Variants in GET4 observed in about 807,000 individuals in gnomAD.
GET4 encodes Golgi to ER traffic protein 4 homolog.
In GET4, 20 loss-of-function variants were observed where a neutral mutation model predicts 40.0. That is an observed-to-expected ratio of 0.50 (90% CI 0.35 to 0.73). The LOEUF (loss-of-function observed/expected upper bound fraction) is 0.73, where lower values mean the gene tolerates loss of function less well. GET4 is among the 30% of genes least tolerant of loss of function. GET4 has a pLI of 0.01. For synonymous variants in GET4, 280 were observed against 194.6 expected, an observed-to-expected ratio of 1.44 and a Z score of -3.65; for missense variants, 557 against 454.0, an observed-to-expected ratio of 1.23 and a Z score of -2.06.
chr7:883,505 AGATT>A, intron 1 of GET4: 2 of 985,242 alleles, frequency 2.0e-6, no homozygotes, highest in Non-Finnish European at 2.4e-6. Context: ...AAAATCAGCT[AGATT>A]GTTTGCCCAG....
chr7:895,653 G>A lies in GET4; in HGVS notation c.*231G>A, dbSNP rs575086578. 48 of 408,590 alleles carry A rather than the reference G, an allele frequency of 1.2e-4. No individual in the cohort carries two copies. The highest frequency in any genetic ancestry group is 6.6e-4 in the African/African-American group (32 of 48,236). 25.3% of individuals were successfully genotyped at this position (408,590 alleles called of 1,614,324 possible). On this transcript the variant is annotated 3_prime_UTR_variant, in exon 9 of 9. Coordinates refer to ENST00000265857, the MANE Select transcript of GET4 (RefSeq NM_015949.3). ...GCCCCTGCTGGCCGCCGCGTCCCCC[G>A]AGATTGACCCACAATAAAGCACAGG... is the stretch of plus-strand genomic sequence containing the variant.
intron 6 of GET4, among the ~76,000 whole-genome samples, chr7:893,450 T>C (rs1476422221): frequency 1.1e-4 from 15 of 131,234 alleles, no homozygotes; most frequent in African/African-American, 3.8e-4. Flanking sequence ...TGGTTGCAGG[T>C]GAGTGTTGGG....
intron 1 of GET4, chr7:878,257 A>G (rs530036201): frequency 1.9e-5 from 9 of 470,836 alleles, no homozygotes; most frequent in Admixed American, 1.6e-4. Context: ...GGCTTGGTTG[A>G]TTGTCTTCAG....
chr7:878,121 C>G (rs957412940), intron 1 of GET4: 14 of 369,458 alleles, frequency 3.8e-5, no homozygotes, highest in Non-Finnish European at 7.3e-5. Flanking sequence ...CGCCTCTGGA[C>G]CTAGGCTCGG....
At chr7:886,535 G>C in intron 2 of GET4, 34 bp from the exon 3 acceptor site, 1 of 1,534,618 alleles carries the variant, frequency 6.5e-7, no homozygotes, top group Non-Finnish European at 9.0e-7. Context: ...TCAGGGCTTT[G>C]TTCTTGATTC....
At chr7:877,196 G>A (rs1279493737) in intron 1 of GET4, among the ~76,000 whole-genome samples, 46 of 65,764 alleles carry the variant, frequency 7.0e-4, no homozygotes, top group African/African-American at 2.9e-3. Context: ...GCCCCACCTT[G>A]GTCTCGCTCT....
At chr7:894,638 A>C (rs1293111363) in intron 8 of GET4, among the ~76,000 whole-genome samples, 2 of 151,252 alleles carry the variant, frequency 1.3e-5, no homozygotes, top group African/African-American at 2.4e-5. Context: ...GACTCTTCTG[A>C]CTCTCCAGTC....
At position 891,046 on chromosome 7, in the gene GET4, C is replaced by T. The variant is rs754149897; in HGVS notation, c.585C>T (p.Phe195=). The change falls in exon 5 of 9, where the codon TTC becomes TTT. Residue 195 remains phenylalanine (F), a synonymous_variant. Transcript: ENST00000265857. The part of the protein sequence containing the change: ...SRGFRSEVDM[F]VAQAVLQFLC... ...GCTTCCGCAGCGAGGTGGACATGTTCGTGGCCCAGGCCGTGCTACAGTAGG... is the reference window on the plus strand; with the variant it reads ...GCTTCCGCAGCGAGGTGGACATGTTTGTGGCCCAGGCCGTGCTACAGTAGG... 15 of 1,606,852 alleles carry T rather than the reference C, an allele frequency of 9.3e-6. No homozygotes were observed. Among genetic ancestry groups the T allele is most frequent in the Admixed American group, 5.0e-5 (3 of 59,468 alleles).
Position 890,952 on chromosome 7 carries a change from A to T in GET4, c.491A>T (p.Tyr164Phe), listed in dbSNP as rs1297145482. The change falls in exon 5 of 9, where the codon TAT (tyrosine) becomes TTT (phenylalanine). Residue 164 changes from tyrosine to phenylalanine, a missense_variant. By Grantham distance (22) the Tyr-to-Phe change is conservative. Transcript: ENST00000265857. ...WKEQNYCESR[Y>F]HFLHSADGEG... ...GAACAAAACTATTGTGAGTCGAGGT[A>T]TCATTTTCTGCACTCAGCGGACGGG... 1.2e-6 allele frequency: 2 copies of T among 1,607,528 alleles called. No homozygotes were observed. The highest frequency in any genetic ancestry group is 1.7e-6 in the Non-Finnish European group (2 of 1,174,284).
chr7:877,565 G>C (rs570005748), intron 1 of GET4, among the ~76,000 whole-genome samples: 1 of 114,284 alleles, frequency 8.8e-6, no homozygotes, highest in South Asian at 3.6e-4. Context: ...CACTGTCCTC[G>C]TCCCTTTCGG....
intron 2 of GET4, 44 bp downstream of exon 2, chr7:886,178 AG>A: frequency 1.6e-6 from 2 of 1,271,954 alleles, no homozygotes; most frequent in Non-Finnish European, 2.3e-6. Flanking sequence ...TGCTCCGGGC[AG>A]GCAAGTGGAG....
rs1309951255 is a variant in GET4, at chr7:895,370, A to G, written c.932A>G (p.Gln311Arg). ...ACCAGCCTCATGGGCTCCTCAGAGCAGGAGGATGGGGAGGAGAGCCCCAGC... is the reference window on the plus strand; with the variant it reads ...ACCAGCCTCATGGGCTCCTCAGAGCGGGAGGATGGGGAGGAGAGCCCCAGC... ...LLTSLMGSSE[Q>R]EDGEESPSDG... The change falls in exon 9 of 9, where the codon CAG becomes CGG. Residue 311 changes from glutamine (Q) to arginine (R), a missense_variant. Coordinates refer to ENST00000265857, the MANE Select transcript of GET4 (RefSeq NM_015949.3). 2 of 1,600,424 alleles carry G rather than the reference A, an allele frequency of 1.2e-6. No individual in the cohort carries two copies. The highest frequency in any genetic ancestry group is 8.6e-7 in the Non-Finnish European group (1 of 1,169,146).
At chr7:891,531 TC>T in intron 5 of GET4, among the ~76,000 whole-genome samples, 1 of 140,470 alleles carries the variant, frequency 7.1e-6, no homozygotes, top group East Asian at 2.1e-4. Flanking sequence ...TCCTGCGTGG[TC>T]CCTCCCGCCA....
chr7:884,383 T>C (rs1277530934), intron 1 of GET4: 17 of 1,298,150 alleles, frequency 1.3e-5, no homozygotes, highest in Non-Finnish European at 1.7e-5. Context: ...AGGCTCCTGC[T>C]GTGGTGTTGG....
intron 3 of GET4, 64 bp downstream of exon 3, chr7:886,714 T>A (rs924255938): frequency 3.6e-5 from 38 of 1,046,552 alleles, no homozygotes; most frequent in Admixed American, 2.0e-4. Flanking sequence ...CCTCCCCGGG[T>A]CTCTGCGCTG....
chr7:878,473 G>A (rs1020132199), intron 1 of GET4: 4 of 433,208 alleles, frequency 9.2e-6, no homozygotes, highest in East Asian at 7.1e-5. Flanking sequence ...CTTCTAAACT[G>A]CCACAGGGCC....
intron 1 of GET4, chr7:883,286 C>CACCT (rs1844123386): frequency 6.5e-6 from 1 of 153,434 alleles, no homozygotes; most frequent in Admixed American, 6.5e-5. Context: ...TGTCCCGAGG[C>CACCT]ACCTGTGTGT....
intron 1 of GET4, chr7:884,079 A>G: frequency 1.7e-6 from 2 of 1,191,588 alleles, no homozygotes; most frequent in Non-Finnish European, 2.1e-6. Context: ...ACTGCCTTCC[A>G]GGGAGTCCTT....
chr7:887,970 T>C (rs906502209), intron 4 of GET4, among the ~76,000 whole-genome samples: 9 of 152,088 alleles, frequency 5.9e-5, no homozygotes, highest in Admixed American at 3.9e-4. Flanking sequence ...TAGTTCCAGG[T>C]CTGCAGCTCT....
Sources: gnomAD v4.1 joint callset for allele counts (sites outside exome capture counted in the v4.1 genomes callset) on GRCh38, gnomAD v4.1.1 for gene constraint, MANE v1.5 for transcripts, NCBI Gene and HGNC (gene_info 2026-07-23, HGNC 2026-07-21) for gene names.